The following GLIS3 variants were observed in gnomAD, a reference collection of about 807,000 sequenced individuals.
GLIS3 encodes zinc finger protein GLIS3.
GLIS3 carries 53 observed loss-of-function variants against 78.6 expected under a neutral mutation model. The observed-to-expected ratio is 0.67, with a 90% CI of 0.54 to 0.85. The LOEUF (loss-of-function observed/expected upper bound fraction) is 0.85. GLIS3 is among the 40% of genes least tolerant of loss of function. The pLI, the probability that GLIS3 is intolerant of heterozygous loss-of-function variation, is 0.00. For missense variants in GLIS3, 1,703 were observed against 1,231.1 expected (o/e 1.38, Z -5.74); for synonymous variants, 684 against 509.9 (o/e 1.34, Z -4.60).
At chr9:4,228,352 C>T (rs565239725) in intron 2 of GLIS3, among the ~76,000 whole-genome samples, 1 of 152,220 alleles carries the variant, frequency 6.6e-6, no homozygotes, top group Admixed American at 6.5e-5. Context: ...CGGAGAGGGG[C>T]TGTCCATGCG....
At position 4,044,618 on chromosome 9, in the gene GLIS3, T is replaced by C. The variant is rs141478541; in HGVS notation, c.1710+73150A>G. On this transcript the variant is annotated intron_variant, in intron 4 of 10. Coordinates refer to ENST00000381971, the MANE Select transcript of GLIS3 (RefSeq NM_001042413.2). ...TGACTGTCTTTGGGTCAGGTGCACA[T>C]TGCAGTCTGGGTTGGGTACAGTAGA... is the stretch of plus-strand genomic sequence containing the variant. 1.4e-4 allele frequency among the ~76,000 whole-genome samples: 22 copies of C among 152,274 alleles called. No homozygotes were observed. In the East Asian group the frequency reaches 3.9e-3, roughly 27 times the overall value.
intron 8 of GLIS3, among the ~76,000 whole-genome samples, chr9:3,863,108 C>T (rs1236120508): frequency 1.3e-5 from 2 of 152,158 alleles, no homozygotes; most frequent in African/African-American, 4.8e-5. Context: ...TCTAAAAAAA[C>T]CCCGCAATGA....
chr9:4,482,136 G>A, the GLIS3 span, among the ~76,000 whole-genome samples: 1 of 152,108 alleles, frequency 6.6e-6, no homozygotes, highest in Non-Finnish European at 1.5e-5. Flanking sequence ...AAATTACTTG[G>A]TCAAGGACAT....
At chr9:3,904,675 A>T (rs1333613022) in intron 6 of GLIS3, among the ~76,000 whole-genome samples, 1 of 152,236 alleles carries the variant, frequency 6.6e-6, no homozygotes, top group African/African-American at 2.4e-5. Context: ...GCACTTTTAA[A>T]CACTGCATTT....
intron 4 of GLIS3, among the ~76,000 whole-genome samples, chr9:4,005,657 G>C (rs531602592): frequency 5.3e-5 from 8 of 152,314 alleles, no homozygotes; most frequent in African/African-American, 1.9e-4. Context: ...CCGCTATTAA[G>C]TATTATACAC....
At chr9:4,078,790 T>C (rs1018752886) in intron 4 of GLIS3, among the ~76,000 whole-genome samples, 1 of 152,200 alleles carries the variant, frequency 6.6e-6, no homozygotes, top group Non-Finnish European at 1.5e-5. Flanking sequence ...CTCCAGGCTG[T>C]CCTTTCTTTC....
intron 4 of GLIS3, among the ~76,000 whole-genome samples, chr9:4,108,345 C>T (rs1222269344): frequency 6.6e-6 from 1 of 152,086 alleles, no homozygotes; most frequent in Admixed American, 6.6e-5. Context: ...CAAAAGCAAG[C>T]CTCAATTCGA....
chr9:4,200,781 C>T (rs1819315749), intron 2 of GLIS3, among the ~76,000 whole-genome samples: 1 of 152,162 alleles, frequency 6.6e-6, no homozygotes, highest in Non-Finnish European at 1.5e-5. Flanking sequence ...GATAATAATC[C>T]TACCGAAATT....
At chr9:4,035,051 GAGACAATAAAGCAGAAA>G (rs1274615496) in intron 4 of GLIS3, 1 of 152,164 alleles carries the variant, frequency 6.6e-6, no homozygotes, top group African/African-American at 2.4e-5. Flanking sequence ...AACTGCAGAT[GAGACAATAAAGCAGAAA>G]CTTGAAAAGA....
At chr9:3,837,446 T>C (rs747741456) in intron 9 of GLIS3, among the ~76,000 whole-genome samples, 1 of 152,252 alleles carries the variant, frequency 6.6e-6, no homozygotes, top group Non-Finnish European at 1.5e-5. Context: ...GGAAAACTTA[T>C]GTCCATACAA....
the GLIS3 span, among the ~76,000 whole-genome samples, chr9:4,458,605 T>A: frequency 2.6e-4 from 40 of 152,082 alleles, no homozygotes; most frequent in African/African-American, 9.6e-4. Context: ...CTGGCCAACA[T>A]AGTGAAATCC....
At chr9:4,206,449 T>G (rs750891159) in intron 2 of GLIS3, among the ~76,000 whole-genome samples, 17 of 152,204 alleles carry the variant, frequency 1.1e-4, no homozygotes, top group Non-Finnish European at 2.5e-4. Context: ...GTCATGATAA[T>G]ATAAAACTCA....
At chr9:4,046,294 G>C (rs1414481744) in intron 4 of GLIS3, among the ~76,000 whole-genome samples, 2 of 152,168 alleles carry the variant, frequency 1.3e-5, no homozygotes, top group Non-Finnish European at 2.9e-5. Flanking sequence ...TGTGAAGACA[G>C]TAAAGGCAAC....
At chr9:4,025,814 A>G (rs895225946) in intron 4 of GLIS3, among the ~76,000 whole-genome samples, 1 of 152,164 alleles carries the variant, frequency 6.6e-6, no homozygotes, top group African/African-American at 2.4e-5. Context: ...ATAAGAATTC[A>G]GGGGTAAGAA....
chr9:4,327,621 C>A (rs748807486), intron 2 of GLIS3, among the ~76,000 whole-genome samples: 15 of 152,130 alleles, frequency 9.9e-5, no homozygotes, highest in Non-Finnish European at 1.9e-4. Context: ...GTGAAGCTGG[C>A]CGGAAAGGAC....
At chr9:4,401,017 G>T in the GLIS3 span, among the ~76,000 whole-genome samples, 2 of 152,166 alleles carry the variant, frequency 1.3e-5, no homozygotes, top group Non-Finnish European at 2.9e-5. Flanking sequence ...ACATTCTTCT[G>T]TTTGAGAAAA....
At chr9:4,145,745 T>TCC (rs1834176445) in intron 2 of GLIS3, among the ~76,000 whole-genome samples, 1 of 151,470 alleles carries the variant, frequency 6.6e-6, no homozygotes, top group Non-Finnish European at 1.5e-5. Context: ...CTCCCTTTGT[T>TCC]CCCCCTCCCT....
rs142315452 is a variant in GLIS3 at position 4,049,574 on chromosome 9, C to A, written c.1710+68194G>T. On this transcript the variant is annotated intron_variant, in intron 4 of 10. Transcript: ENST00000381971. ...CCTTCATTCTCTTTCATACATATATCCCCACCTCCAACACACTTGCGCACA... is the reference window on the plus strand; with the variant it reads ...CCTTCATTCTCTTTCATACATATATACCCACCTCCAACACACTTGCGCACA... Among the ~76,000 whole-genome samples, 74 of 152,174 alleles carry A rather than the reference C, an allele frequency of 4.9e-4. 1 individual carries two copies. The highest frequency in any genetic ancestry group is 1.8e-3 in the African/African-American group (73 of 41,522).
At chr9:4,484,183 C>T in the GLIS3 span, among the ~76,000 whole-genome samples, 1 of 152,044 alleles carries the variant, frequency 6.6e-6, no homozygotes, top group East Asian at 1.9e-4. Context: ...TGGCTTCTAA[C>T]CTCTAAGCTA....
Sources: allele counts gnomAD v4.1 joint callset (sites outside exome capture counted in the v4.1 genomes callset), GRCh38; gene constraint gnomAD v4.1.1; transcripts MANE v1.5; gene names NCBI Gene and HGNC (gene_info 2026-07-23, HGNC 2026-07-21).